PREP: variants seen among roughly 807,000 people sequenced by gnomAD.
PREP encodes dJ355L5.1 (prolyl endopeptidase).
PREP carries 29 observed loss-of-function variants against 87.6 expected under a neutral mutation model. The ratio of observed to expected loss-of-function variants is 0.33; its 90% CI spans 0.25 to 0.45. The LOEUF (loss-of-function observed/expected upper bound fraction) is 0.45, where lower values mean the gene tolerates loss of function less well. PREP is among the 20% of genes least tolerant of loss of function. PREP has a pLI of 1.00. For missense variants in PREP, 695 were observed against 886.5 expected (o/e 0.78, Z 2.74); for synonymous variants, 337 against 328.6 (o/e 1.03, Z -0.28).
chr6:105,351,051 CTTGT>C (rs1481517587), intron 7 of PREP, among the ~76,000 whole-genome samples: 1 of 152,202 alleles, frequency 6.6e-6, no homozygotes, highest in Non-Finnish European at 1.5e-5. Flanking sequence ...TACCACTGGA[CTTGT>C]TTGTTCCATG....
chr6:105,338,518 C>T (rs917867498), intron 7 of PREP, among the ~76,000 whole-genome samples: 4 of 152,208 alleles, frequency 2.6e-5, no homozygotes, highest in African/African-American at 9.7e-5. Flanking sequence ...AACTGAAGTA[C>T]CGGTTCATCT....
chr6:105,379,217 T>C (rs1013217057), intron 2 of PREP, among the ~76,000 whole-genome samples: 1 of 152,222 alleles, frequency 6.6e-6, no homozygotes, highest in African/African-American at 2.4e-5. Context: ...CCCGCTTTCC[T>C]GTGGCTCTGG....
intron 10 of PREP, among the ~76,000 whole-genome samples, chr6:105,291,819 A>C (rs1770302933): frequency 6.6e-6 from 1 of 152,208 alleles, no homozygotes; most frequent in Non-Finnish European, 1.5e-5. Flanking sequence ...AAACCCTGCC[A>C]CTGTTTTATC....
chr6:105,330,559 G>C (rs751813913), intron 8 of PREP, among the ~76,000 whole-genome samples: 7 of 152,136 alleles, frequency 4.6e-5, no homozygotes, highest in Non-Finnish European at 8.8e-5. Flanking sequence ...GTCTGCCTGA[G>C]GTAGGGCCAG....
At chr6:105,311,709 C>T (rs952594397) in intron 10 of PREP, among the ~76,000 whole-genome samples, 4 of 152,242 alleles carry the variant, frequency 2.6e-5, no homozygotes, top group Admixed American at 6.5e-5. Flanking sequence ...ATGCTTGGCA[C>T]ATGGCAAATT....
chr6:105,282,540 T>C lies in PREP; in HGVS notation c.1592A>G (p.Gln531Arg). The C allele has an allele frequency of 6.2e-7, 1 of 1,614,170 alleles. No homozygotes were observed. Among genetic ancestry groups the C allele is most frequent in the Non-Finnish European group, 8.5e-7 (1 of 1,180,008 alleles). Residue 531 changes from glutamine to arginine, a missense_variant, in exon 13 of 15, where the codon CAG becomes CGG. Gln to Arg is a conservative substitution (Grantham distance 43, BLOSUM62 1). Around this residue, in one of 5 missense-constraint regions of PREP, gnomAD observed 35 missense variants for 36.0 expected, o/e 0.97. Transcript: ENST00000652536. ...ANKQNCFDDFQCAAEYLIKEG... is the reference protein window; with the variant it reads ...ANKQNCFDDFRCAAEYLIKEG... Reference sequence around the variant, plus strand: ...CTTGATCAGATACTCAGCAGCACACTGAAAGTCATCAAAGCAGTTTTGTTT... The same window carrying C: ...CTTGATCAGATACTCAGCAGCACACCGAAAGTCATCAAAGCAGTTTTGTTT...
chr6:105,338,894 TC>T lies in PREP; in HGVS notation c.824-5390del, dbSNP rs1415324048. ...TACGTAAACAAAGCGGCTGGGTAAC[TC>T]AAACTGGGTAAAGCCCACCACAGCT... On this transcript the variant is annotated intron_variant, in intron 7 of 14. Coordinates refer to ENST00000652536, the MANE Select transcript of PREP (RefSeq NM_002726.5). 3.3e-5 allele frequency among the ~76,000 whole-genome samples: 5 copies of T among 152,302 alleles called. No homozygotes were observed. In the East Asian group the frequency reaches 9.7e-4, roughly 29 times the overall value.
At chr6:105,391,594 G>A (rs1006912194) in intron 2 of PREP, among the ~76,000 whole-genome samples, 2 of 152,214 alleles carry the variant, frequency 1.3e-5, no homozygotes, top group Admixed American at 1.3e-4. Context: ...ATGCTAATGG[G>A]AGATGTTACT....
chr6:105,397,371 C>G (rs566427492), intron 2 of PREP, among the ~76,000 whole-genome samples: 3 of 152,184 alleles, frequency 2.0e-5, no homozygotes, highest in Admixed American at 6.5e-5. Context: ...AATGCTCCCC[C>G]CTGCCCCTTC....
intron 10 of PREP, among the ~76,000 whole-genome samples, chr6:105,303,460 C>T (rs964596824): frequency 2.6e-5 from 4 of 151,972 alleles, no homozygotes; most frequent in Non-Finnish European, 4.4e-5. Flanking sequence ...ATTGCTGTTT[C>T]GCATCTCCAG....
intron 7 of PREP, among the ~76,000 whole-genome samples, chr6:105,336,299 T>C (rs957617119): frequency 6.6e-6 from 1 of 152,244 alleles, no homozygotes; most frequent in Non-Finnish European, 1.5e-5. Context: ...CATATGTTAT[T>C]GAAAAGAATG....
chr6:105,378,605 TATCCAAGC>T (rs1772755736), intron 2 of PREP, among the ~76,000 whole-genome samples: 1 of 152,204 alleles, frequency 6.6e-6, no homozygotes, highest in African/African-American at 2.4e-5. Context: ...AGATGAGTTG[TATCCAAGC>T]ACACCCTATT....
intron 2 of PREP, among the ~76,000 whole-genome samples, chr6:105,382,319 T>A: frequency 7.3e-6 from 1 of 136,296 alleles, no homozygotes; most frequent in Non-Finnish European, 1.6e-5. Flanking sequence ...ACACAAAGTA[T>A]GTGAGGTAAT....
In PREP at chr6:105,274,930, C is replaced by T. The variant is rs542911700; in HGVS notation, c.*3214G>A. Among the ~76,000 whole-genome samples, 17 of 152,258 alleles carry T rather than the reference C, an allele frequency of 1.1e-4. No homozygotes were observed. Among genetic ancestry groups the T allele is most frequent in the African/African-American group, 2.6e-4 (11 of 41,538 alleles). On this transcript the variant is annotated 3_prime_UTR_variant, in exon 15 of 15. Coordinates refer to ENST00000652536, the MANE Select transcript of PREP (RefSeq NM_002726.5). ...ATTCATCCACACAGAGTGCTTGCAG[C>T]GGGTGGCACAGGGTAAACATGAGCA... is the stretch of plus-strand genomic sequence containing the variant.
At position 105,377,443 on chromosome 6, in the gene PREP, C is replaced by G; in HGVS notation, c.197G>C (p.Arg66Thr). The G allele has an allele frequency of 6.2e-7, 1 of 1,613,652 alleles. No homozygotes were observed. Among genetic ancestry groups the G allele is most frequent in the Non-Finnish European group, 8.5e-7 (1 of 1,179,648 alleles). The change falls in exon 3 of 15, where the codon AGA (arginine) becomes ACA (threonine). Residue 66 changes from arginine (R) to threonine (T), a missense_variant. Arg to Thr is a moderately conservative substitution (Grantham distance 71, BLOSUM62 -1). Transcript: ENST00000652536. ...GGGATAATCATATAGTTCAGTCATT[C>G]TCTCTTTGTATAAACCTCTGATGGG... is the stretch of plus-strand genomic sequence containing the variant. ...QCPIRGLYKE[R>T]MTELYDYPKY...
At chr6:105,388,079 C>A (rs996258356) in intron 2 of PREP, among the ~76,000 whole-genome samples, 2 of 152,132 alleles carry the variant, frequency 1.3e-5, no homozygotes. Context: ...TAGCCAGCAT[C>A]CATGCTCCCT....
intron 6 of PREP, among the ~76,000 whole-genome samples, chr6:105,360,274 GA>G (rs1223820928): frequency 6.6e-6 from 1 of 152,202 alleles, no homozygotes; most frequent in African/African-American, 2.4e-5. Flanking sequence ...TAGTCATTGA[GA>G]AACCAAGATT....
intron 14 of PREP, chr6:105,279,137 T>G (rs151304394): frequency 4.7e-4 from 72 of 152,342 alleles, no homozygotes; most frequent in African/African-American, 1.6e-3. Context: ...CAGTGACTGA[T>G]AATAGTTGAA....
At chr6:105,369,214 A>G (rs1331203633) in intron 5 of PREP, among the ~76,000 whole-genome samples, 190 bp from the exon 6 acceptor site, 1 of 152,258 alleles carries the variant, frequency 6.6e-6, no homozygotes, top group Non-Finnish European at 1.5e-5. Flanking sequence ...GAAACAATAC[A>G]TTAGCACCTC....
Sources: gnomAD v4.1 joint callset for allele counts (sites outside exome capture counted in the v4.1 genomes callset) on GRCh38, gnomAD v4.1.1 for gene constraint, gnomAD v4.1.1 regional missense constraint, MANE v1.5 for transcripts, NCBI Gene and HGNC (gene_info 2026-07-23, HGNC 2026-07-21) for gene names.